Variants in CSMD1 observed in about 807,000 individuals in gnomAD.
CSMD1 encodes the protein CUB and sushi domain-containing protein 1.
In CSMD1, 213 loss-of-function variants were observed where a neutral mutation model predicts 417.5. The observed-to-expected ratio is 0.51, with a 90% CI of 0.46 to 0.57. The LOEUF (loss-of-function observed/expected upper bound fraction) is 0.57. Ranked by LOEUF, CSMD1 falls within the 20% of genes least tolerant of loss-of-function variation. The pLI is 0.00. For missense variants in CSMD1, 6,923 were observed against 4,529.7 expected, an observed-to-expected ratio of 1.53 and a Z score of -15.17; for synonymous variants, 2,862 against 1,736.8, an observed-to-expected ratio of 1.65 and a Z score of -16.11.
intron 2 of CSMD1, among the ~76,000 whole-genome samples, chr8:4,447,737 T>G (rs768761051): frequency 7.2e-5 from 11 of 152,112 alleles, no homozygotes; most frequent in African/African-American, 2.7e-4. Flanking sequence ...AGTCTCCAAA[T>G]TAAGATTTAA....
At chr8:4,854,779 G>T (rs910631403) in intron 1 of CSMD1, among the ~76,000 whole-genome samples, 1 of 152,028 alleles carries the variant, frequency 6.6e-6, no homozygotes, top group Non-Finnish European at 1.5e-5. Context: ...ACAGAGTCTC[G>T]CTGATTGCTA....
At chr8:4,682,285 C>T (rs1168731548) in intron 1 of CSMD1, among the ~76,000 whole-genome samples, 25 of 152,144 alleles carry the variant, frequency 1.6e-4, no homozygotes, top group Non-Finnish European at 1.5e-5. Flanking sequence ...CCTGCCTTAG[C>T]CTCCCAAAGT....
intron 5 of CSMD1, among the ~76,000 whole-genome samples, chr8:3,813,913 T>C (rs1159837879): frequency 1.3e-5 from 2 of 152,218 alleles, no homozygotes; most frequent in Admixed American, 1.3e-4. Context: ...CTCTTCTTAC[T>C]TGTTAAGTCT....
chr8:3,345,002 T>C (rs1807897015), intron 22 of CSMD1, among the ~76,000 whole-genome samples: 1 of 152,216 alleles, frequency 6.6e-6, no homozygotes, highest in South Asian at 2.1e-4. Flanking sequence ...TAAATGGTTT[T>C]AATTCCAGAG....
At chr8:4,953,572 G>T (rs890738813) in intron 1 of CSMD1, among the ~76,000 whole-genome samples, 3 of 152,054 alleles carry the variant, frequency 2.0e-5, no homozygotes, top group Non-Finnish European at 4.4e-5. Context: ...TCACTGTTGA[G>T]AAACGATTGT....
intron 2 of CSMD1, among the ~76,000 whole-genome samples, chr8:4,603,663 G>C (rs1463225018): frequency 6.6e-6 from 1 of 151,982 alleles, no homozygotes; most frequent in Non-Finnish European, 1.5e-5. Context: ...AAAATGACGT[G>C]GGTTTCTGTC....
rs950943652 is a variant in CSMD1, at chr8:2,973,373, G to T, written c.8741-74C>A. On this transcript the variant is annotated intron_variant, in intron 56 of 69. Coordinates refer to ENST00000635120, the MANE Select transcript of CSMD1 (RefSeq NM_033225.6). ...TTTAAGCAGAGTTGTCACACTTAAA[G>T]ATAATGAAAAGTTGTTGAAATTTGT... 2.1e-6 allele frequency: 3 copies of T among 1,427,388 alleles called. No individual in the cohort carries two copies. In the African/African-American group the frequency reaches 4.3e-5, roughly 20 times the overall value. 88.4% of individuals were successfully genotyped at this position (1,427,388 alleles called of 1,614,324 possible). A position where few individuals can be genotyped will look rare whatever the true frequency, so the allele number is the denominator to read the frequency against.
chr8:3,684,375 T>A (rs1051594594), intron 7 of CSMD1, among the ~76,000 whole-genome samples: 2 of 147,608 alleles, frequency 1.4e-5, no homozygotes, highest in Non-Finnish European at 3.0e-5. Flanking sequence ...TTACATAATA[T>A]ATAAAATGTA....
intron 2 of CSMD1, among the ~76,000 whole-genome samples, chr8:4,578,813 C>T: frequency 1.2e-5 from 1 of 81,466 alleles, no homozygotes; most frequent in South Asian, 4.6e-4. Context: ...GACTCCACCT[C>T]AAAAAAAAAA....
intron 8 of CSMD1, among the ~76,000 whole-genome samples, chr8:3,600,469 T>C (rs1410658436): frequency 6.6e-6 from 1 of 152,220 alleles, no homozygotes; most frequent in Non-Finnish European, 1.5e-5. Context: ...TGTATCAGAA[T>C]CATTCAGGGT....
chr8:3,042,548 G>A (rs1203937375), intron 50 of CSMD1, among the ~76,000 whole-genome samples: 4 of 152,150 alleles, frequency 2.6e-5, no homozygotes, highest in Non-Finnish European at 4.4e-5. Context: ...CTGAAAGCGG[G>A]ACGGGCACTT....
intron 5 of CSMD1, among the ~76,000 whole-genome samples, chr8:3,807,117 T>C (rs940961916): frequency 2.0e-5 from 3 of 152,134 alleles, no homozygotes; most frequent in African/African-American, 7.2e-5. Flanking sequence ...TTGACTTTAA[T>C]AGGGCACATT....
At chr8:4,151,854 T>C (rs2552171) in intron 3 of CSMD1, among the ~76,000 whole-genome samples, 112,981 of 152,040 alleles carry the variant, frequency 0.74, 42,266 homozygotes, top group East Asian at 0.82. Context: ...TATATTTCCA[T>C]GTACCTTTTC....
chr8:3,789,167 C>G (rs536584802), intron 5 of CSMD1, among the ~76,000 whole-genome samples: 1 of 152,094 alleles, frequency 6.6e-6, no homozygotes, highest in East Asian at 1.9e-4. Flanking sequence ...CTTCCTTGAC[C>G]TTTCCACTAT....
At chr8:3,536,021 C>T (rs189812450) in intron 10 of CSMD1, among the ~76,000 whole-genome samples, 2 of 152,138 alleles carry the variant, frequency 1.3e-5, no homozygotes, top group African/African-American at 4.8e-5. Context: ...AAGTGACCTC[C>T]TCAAGCCAGC....
intron 3 of CSMD1, among the ~76,000 whole-genome samples, chr8:4,080,420 C>T (rs955473338): frequency 5.3e-5 from 8 of 152,184 alleles, no homozygotes; most frequent in African/African-American, 1.9e-4. Flanking sequence ...GGTGAGTAAT[C>T]ATGCCATTAC....
intron 1 of CSMD1, among the ~76,000 whole-genome samples, chr8:4,911,885 C>G (rs1805698479): frequency 6.6e-6 from 1 of 151,878 alleles, no homozygotes; most frequent in Non-Finnish European, 1.5e-5. Flanking sequence ...TTCTGAGAAG[C>G]TCATCAGAAA....
At position 4,699,711 on chromosome 8, in the gene CSMD1, A is replaced by G. The variant is rs182613628; in HGVS notation, c.86-62153T>C. Among the ~76,000 whole-genome samples, 4 of 152,240 alleles carry G rather than the reference A, an allele frequency of 2.6e-5. No individual in the cohort carries two copies. In the East Asian group the frequency reaches 7.7e-4, roughly 29 times the overall value. ...ATGATTTTTAAAAATCTCCCAGACA[A>G]TTTATGAGGTGTTAATTTCTACTGT... On this transcript the variant is annotated intron_variant, in intron 1 of 69. Coordinates refer to ENST00000635120, the MANE Select transcript of CSMD1 (RefSeq NM_033225.6).
At chr8:3,908,853 A>G (rs771134412) in intron 5 of CSMD1, among the ~76,000 whole-genome samples, 7 of 152,210 alleles carry the variant, frequency 4.6e-5, no homozygotes, top group African/African-American at 7.2e-5. Context: ...TGACTTCTCA[A>G]ATGTTACTGT....
Sources: allele counts gnomAD v4.1 joint callset (sites outside exome capture counted in the v4.1 genomes callset), GRCh38; gene constraint gnomAD v4.1.1; transcripts MANE v1.5; gene names NCBI Gene and HGNC (gene_info 2026-07-23, HGNC 2026-07-21).